Variants in DOCK11 observed in about 807,000 individuals in gnomAD.
The protein encoded by DOCK11 is dedicator of cytokinesis 11.
A neutral mutation model predicts 169.1 loss-of-function variants in DOCK11; 70 were observed. The ratio of observed to expected loss-of-function variants is 0.41; its 90% CI spans 0.34 to 0.51. DOCK11 has a LOEUF of 0.51. Among genes scored for constraint, DOCK11 ranks in the 20% least tolerant of loss-of-function variants. The probability of loss-of-function intolerance (pLI) is 0.10; values close to 1 mark genes in which losing one functional copy is unlikely to be tolerated. For missense variants in DOCK11, 1,166 were observed against 1,538.8 expected, an observed-to-expected ratio of 0.76 and a Z score of 4.05; for synonymous variants, 529 against 541.3, an observed-to-expected ratio of 0.98 and a Z score of 0.32.
chrX:118,657,551 T>C (rs1372093582), intron 44 of DOCK11, among the ~76,000 whole-genome samples: 3 of 112,129 alleles, frequency 2.7e-5, no homozygotes, highest in Non-Finnish European at 5.6e-5. Flanking sequence ...TAGAAAACCT[T>C]ATTCTAAAAT....
intron 1 of DOCK11, among the ~76,000 whole-genome samples, chrX:118,496,921 C>T (rs2057542563): frequency 9.0e-6 from 1 of 111,209 alleles, no homozygotes; most frequent in South Asian, 3.8e-4. Context: ...GCGCTGACTC[C>T]CTGGGAACCC....
rs1157804079 is a variant in DOCK11 at position 118,544,645 on chromosome X, C to CTTTTTTTTTTTTTTTTTTTTTTTTTT, written c.393-671_393-646dup. ...TGCAAGAGCCAGAATTACACTGTTG[C>CTTTTTTTTTTTTTTTTTTTTTTTTTT]TTTTTTTTTTTTTTTTTTTTTTTTT... is the stretch of plus-strand genomic sequence containing the variant. On this transcript the variant is annotated intron_variant, in intron 4 of 52. Transcript: ENST00000276202. 5.1e-4 allele frequency among the ~76,000 whole-genome samples: 12 copies of CTTTTTTTTTTTTTTTTTTTTTTTTTT among 23,363 alleles called. 4 individuals carry two copies. The highest frequency in any genetic ancestry group is 6.5e-4 in the Non-Finnish European group (9 of 13,900). The allele number at this position is 23,363 out of a possible 115,157, so 20.3% of individuals were successfully genotyped here. A position where few individuals can be genotyped will look rare whatever the true frequency, so the allele number is the denominator to read the frequency against.
intron 45 of DOCK11, among the ~76,000 whole-genome samples, chrX:118,666,674 A>G (rs80318452): frequency 0.013 from 1,472 of 112,168 alleles, 15 homozygotes; most frequent in Middle Eastern, 0.037. Flanking sequence ...TACTTTAAAC[A>G]TTCCTATCTA....
At chrX:118,578,242 A>G (rs773301744) in intron 12 of DOCK11, among the ~76,000 whole-genome samples, 1 of 111,939 alleles carries the variant, frequency 8.9e-6, no homozygotes, top group Non-Finnish European at 1.9e-5. Flanking sequence ...CGAGAAATGT[A>G]CTCACTTCGC....
chrX:118,584,654 A>G (rs1224959868), intron 14 of DOCK11, 81 bp from the exon 15 acceptor site: 7 of 954,520 alleles, frequency 7.3e-6, no homozygotes, highest in African/African-American at 6.0e-5. Context: ...ACCATTTTAC[A>G]TCCCGACCAT....
At position 118,685,803 on chromosome X, in the gene DOCK11, T is replaced by G; in HGVS notation, c.6218T>G (p.Val2073Gly). The G allele has an allele frequency of 8.3e-7, 1 of 1,210,811 alleles. No individual in the cohort carries two copies. The highest frequency in any genetic ancestry group is 3.0e-5 in the East Asian group (1 of 33,829). Residue 2073 changes from valine (V) to glycine (G), a missense_variant, in exon 53 of 53, where the codon GTG (valine) becomes GGG (glycine). Val to Gly is a moderately radical substitution (Grantham distance 109). Transcript: ENST00000276202. ...TATGGTTCCCCAAGATACGCTGAAGTGTGAGGAAATGCAGATGTACGTGAC... is the reference window on the plus strand; with the variant it reads ...TATGGTTCCCCAAGATACGCTGAAGGGTGAGGAAATGCAGATGTACGTGAC... ...RGYGSPRYAE[V>G]
chrX:118,516,093 C>CTT lies in DOCK11; in HGVS notation c.102+20036_102+20037dup, dbSNP rs773184047. On this transcript the variant is annotated intron_variant, in intron 1 of 52. Transcript: ENST00000276202. ...TTCTTTTTTCTTTTCTTTTCTTTTTCTTTTTTTTTTTTTTTTTGTGATGGA... is the reference window on the plus strand; with the variant it reads ...TTCTTTTTTCTTTTCTTTTCTTTTTCTTTTTTTTTTTTTTTTTTTGTGATGGA... 2.7e-3 allele frequency among the ~76,000 whole-genome samples: 150 copies of CTT among 54,966 alleles called. 4 individuals carry two copies. Among genetic ancestry groups the CTT allele is most frequent in the African/African-American group, 0.011 (132 of 12,128 alleles). 47.7% of individuals were successfully genotyped at this position (54,966 alleles called of 115,157 possible).
intron 42 of DOCK11, among the ~76,000 whole-genome samples, chrX:118,653,075 G>T (rs1008494849): frequency 8.9e-6 from 1 of 111,887 alleles, no homozygotes; most frequent in Non-Finnish European, 1.9e-5. Flanking sequence ...ATAGAAACAA[G>T]TTACACCACT....
intron 16 of DOCK11, 128 bp from the exon 17 acceptor site, chrX:118,588,009 A>G (rs1053133662): frequency 7.9e-6 from 5 of 633,521 alleles, no homozygotes; most frequent in Admixed American, 4.7e-5. Context: ...TTTTTGGTCA[A>G]TTACTAAGAA....
Position 118,588,336 on chromosome X carries a change from T to A in DOCK11, c.1980+15T>A. On this transcript the variant is annotated intron_variant, in intron 17 of 52. Coordinates refer to ENST00000276202, the MANE Select transcript of DOCK11 (RefSeq NM_144658.4). The stretch of plus-strand genomic sequence containing the variant: ...CATTTGCCAAGGTAACCATGTAAAC[T>A]ATACATTTTTGGAGTATAAAATGTT... The A allele has an allele frequency of 8.6e-7, 1 of 1,163,787 alleles. No homozygotes were observed. Among genetic ancestry groups the A allele is most frequent in the East Asian group, 3.0e-5 (1 of 33,215 alleles).
intron 45 of DOCK11, among the ~76,000 whole-genome samples, chrX:118,663,503 C>T (rs1044452903): frequency 9.1e-6 from 1 of 109,853 alleles, no homozygotes. Flanking sequence ...GCAGGGACCA[C>T]GACTAAGAGG....
In DOCK11 at chrX:118,529,418, A is replaced by G. The variant is rs185189469; in HGVS notation, c.103-13307A>G. 2.7e-5 allele frequency among the ~76,000 whole-genome samples: 3 copies of G among 112,785 alleles called. No individual in the cohort carries two copies. In the Admixed American group the frequency reaches 2.8e-4, roughly 11 times the overall value. On this transcript the variant is annotated intron_variant, in intron 1 of 52. Coordinates refer to ENST00000276202, the MANE Select transcript of DOCK11 (RefSeq NM_144658.4). Reference sequence around the variant, plus strand: ...CATACTATTAAAAGTGTTCAGTAGCAGAGCTCCTTTGGACAGCTACCCTAA... The same window carrying G: ...CATACTATTAAAAGTGTTCAGTAGCGGAGCTCCTTTGGACAGCTACCCTAA...
At chrX:118,632,865 G>A (rs1425107956) in intron 35 of DOCK11, 1 of 107,487 alleles carries the variant, frequency 9.3e-6, no homozygotes, top group East Asian at 2.9e-4. Flanking sequence ...AAAGGAATAA[G>A]AGTCAGGAGT....
chrX:118,564,711 T>TTC (rs369788914), intron 7 of DOCK11, among the ~76,000 whole-genome samples: 29,953 of 105,246 alleles, frequency 0.28, 3,692 homozygotes, highest in East Asian at 0.52. Context: ...TTCTTTCTCT[T>TTC]TCTCTCTCTC....
chrX:118,657,849 G>A (rs1321179462), intron 44 of DOCK11, among the ~76,000 whole-genome samples: 4 of 109,663 alleles, frequency 3.6e-5, no homozygotes, highest in Non-Finnish European at 5.7e-5. Context: ...GGGCCAGGGA[G>A]GAATTAAAGA....
chrX:118,566,199 G>T lies in DOCK11; in HGVS notation c.871+17G>T, dbSNP rs2013073657. 18 of 1,174,301 alleles carry T rather than the reference G, an allele frequency of 1.5e-5. No homozygotes were observed. Among genetic ancestry groups the T allele is most frequent in the South Asian group, 3.7e-5 (2 of 53,760 alleles). On this transcript the variant is annotated intron_variant, in intron 8 of 52. Coordinates refer to ENST00000276202, the MANE Select transcript of DOCK11 (RefSeq NM_144658.4). ...CAGCACAAGGTCAGAATTTTAAAGT[G>T]ATTTATTATTGAAGTAAAGCCCTTG... is the stretch of plus-strand genomic sequence containing the variant.
intron 40 of DOCK11, among the ~76,000 whole-genome samples, chrX:118,644,774 A>G (rs2015614268): frequency 8.9e-6 from 1 of 112,174 alleles, no homozygotes; most frequent in South Asian, 3.7e-4. Flanking sequence ...ATGTGGACTC[A>G]TCTTAAGAGT....
chrX:118,654,409 G>A (rs2016016922), intron 42 of DOCK11, among the ~76,000 whole-genome samples, 193 bp from the exon 43 acceptor site: 1 of 111,800 alleles, frequency 8.9e-6, no homozygotes, highest in South Asian at 3.7e-4. Context: ...TGCCACCAAG[G>A]TTAGAGCCTT....
At chrX:118,680,308 G>A (rs1369986160) in intron 48 of DOCK11, among the ~76,000 whole-genome samples, 174 bp from the exon 49 acceptor site, 1 of 111,171 alleles carries the variant, frequency 9.0e-6, no homozygotes, top group East Asian at 2.8e-4. Context: ...TCAGAAGTAA[G>A]TGATTTTTAA....
Sources: gnomAD v4.1 joint callset for allele counts (sites outside exome capture counted in the v4.1 genomes callset) on GRCh38, gnomAD v4.1.1 for gene constraint, MANE v1.5 for transcripts, NCBI Gene and HGNC (gene_info 2026-07-23, HGNC 2026-07-21) for gene names.